The following ASH1L variants were observed in gnomAD, a reference collection of about 807,000 sequenced individuals.
The protein encoded by ASH1L is histone-lysine N-methyltransferase ASH1L.
Under a neutral mutation model 269.0 loss-of-function variants are expected in ASH1L, and 23 were observed. That is an observed-to-expected ratio of 0.09 (90% CI 0.06 to 0.12). The LOEUF is 0.12. ASH1L is among the 10% of genes least tolerant of loss of function. ASH1L has a pLI of 1.00. For missense variants in ASH1L, 2,912 were observed against 3,567.8 expected (o/e 0.82, Z 4.68); for synonymous variants, 1,187 against 1,253.5 (o/e 0.95, Z 1.12).
chr1:155,362,770 G>A (rs996476709), intron 12 of ASH1L, among the ~76,000 whole-genome samples: 3 of 152,254 alleles, frequency 2.0e-5, no homozygotes, highest in African/African-American at 7.2e-5. Flanking sequence ...ACGCCTCAGA[G>A]TTTGTTTAGT....
At chr1:155,338,427 TGAG>T (rs1471738608) in intron 26 of ASH1L, 37 bp from the exon 27 acceptor site, 1 of 1,585,012 alleles carries the variant, frequency 6.3e-7, no homozygotes, top group Non-Finnish European at 8.6e-7. Context: ...GTAAGACACT[TGAG>T]GAGGAAAAGG....
chr1:155,367,204 G>C (rs12755518), intron 12 of ASH1L, among the ~76,000 whole-genome samples: 3 of 152,168 alleles, frequency 2.0e-5, no homozygotes, highest in African/African-American at 7.2e-5. Context: ...ATGTTGGTCA[G>C]ACTGGTCTCA....
At position 155,479,061 on chromosome 1, in the gene ASH1L, C is replaced by G; in HGVS notation, c.3809G>C (p.Arg1270Pro). ...CTGGGGATATTTCTTTTTCCGTTTT[C>G]GTTTCTGCCTTTTCATCTTGTCATA... The part of the protein sequence containing the change: ...LSYDKMKRQK[R>P]KRKKKYPQLR... The change falls in exon 3 of 28, where the codon CGA becomes CCA. Residue 1270 changes from arginine (R) to proline (P), a missense_variant. Around this residue, in one of 13 missense-constraint regions of ASH1L, gnomAD observed 789 missense variants for 897.6 expected, o/e 0.88. Transcript: ENST00000392403. The G allele has an allele frequency of 1.2e-6, 2 of 1,613,928 alleles. No homozygotes were observed. The highest frequency in any genetic ancestry group is 1.7e-6 in the Non-Finnish European group (2 of 1,179,992).
upstream of ASH1L, chr1:155,562,997 G>C: frequency 2.2e-6 from 1 of 458,132 alleles, no homozygotes; most frequent in Non-Finnish European, 4.4e-6. Flanking sequence ...GAGAGGAAGG[G>C]ACGGGCCGAG....
chr1:155,413,048 T>C (rs1437545239), intron 6 of ASH1L, among the ~76,000 whole-genome samples: 1 of 152,184 alleles, frequency 6.6e-6, no homozygotes, highest in Admixed American at 6.6e-5. Flanking sequence ...ACTTGAATTT[T>C]ATTTAGCAGA....
chr1:155,441,265 G>C (rs1031460792), intron 4 of ASH1L, among the ~76,000 whole-genome samples: 5 of 151,734 alleles, frequency 3.3e-5, no homozygotes, highest in African/African-American at 1.2e-4. Context: ...CCAATGTTAG[G>C]TTAGAAAAGG....
intron 25 of ASH1L, among the ~76,000 whole-genome samples, chr1:155,340,428 G>A (rs1285287969): frequency 9.9e-5 from 15 of 152,044 alleles, no homozygotes; most frequent in Non-Finnish European, 7.4e-5. Context: ...TGATCCACCC[G>A]CCTCAGCCTC....
chr1:155,549,870 C>T (rs1288376341), intron 1 of ASH1L, among the ~76,000 whole-genome samples: 1 of 152,058 alleles, frequency 6.6e-6, no homozygotes, highest in Non-Finnish European at 1.5e-5. Flanking sequence ...CTGCTCAGGC[C>T]ATCACTGAAG....
intron 19 of ASH1L, 102 bp from the exon 20 acceptor site, chr1:155,348,006 T>C (rs1653513763): frequency 2.0e-6 from 3 of 1,477,434 alleles, no homozygotes; most frequent in African/African-American, 1.4e-5. Flanking sequence ...TACCCTCCCA[T>C]TTTGGTTAAC....
chr1:155,370,879 C>A lies in ASH1L; in HGVS notation c.6437G>T (p.Arg2146Leu), dbSNP rs200512672. ...GATTCCCCAACCTTTTTCCTCAGCTCGAAATCGTTCTAGACATTGCACCCA... is the reference window on the plus strand; with the variant it reads ...GATTCCCCAACCTTTTTCCTCAGCTAGAAATCGTTCTAGACATTGCACCCA... ...HEWVQCLERF[R>L]AEEKGWGIRT... Residue 2146 changes from arginine to leucine, a missense_variant, in exon 11 of 28, where the codon CGA becomes CTA. Arg to Leu is a moderately radical substitution (Grantham distance 102). Around this residue, in one of 13 missense-constraint regions of ASH1L, gnomAD observed 193 missense variants for 311.6 expected, o/e 0.62. Transcript: ENST00000392403. The A allele has an allele frequency of 1.2e-6, 2 of 1,614,088 alleles. No individual in the cohort carries two copies. Among genetic ancestry groups the A allele is most frequent in the Non-Finnish European group, 1.7e-6 (2 of 1,180,030 alleles).
chr1:155,438,297 A>G (rs1236827605), intron 5 of ASH1L, 30 bp downstream of exon 5: 3 of 1,517,172 alleles, frequency 2.0e-6, no homozygotes, highest in Non-Finnish European at 2.6e-6. Flanking sequence ...AGTTTCCTCT[A>G]CTCAGATAAT....
intron 2 of ASH1L, among the ~76,000 whole-genome samples, chr1:155,495,561 C>A (rs1481141428): frequency 6.6e-6 from 1 of 152,126 alleles, no homozygotes; most frequent in Non-Finnish European, 1.5e-5. Context: ...ATGGAGCTTG[C>A]AAGACTGTAC....
At chr1:155,489,186 A>AT (rs1250241117) in intron 2 of ASH1L, among the ~76,000 whole-genome samples, 4 of 152,136 alleles carry the variant, frequency 2.6e-5, no homozygotes, top group Non-Finnish European at 4.4e-5. Context: ...GTTACTATAA[A>AT]TAATATGTGG....
At chr1:155,484,145 A>G (rs760907905) in intron 2 of ASH1L, among the ~76,000 whole-genome samples, 8 of 152,216 alleles carry the variant, frequency 5.3e-5, no homozygotes, top group African/African-American at 1.7e-4. Context: ...TTACATAGTT[A>G]TGAAACAAAG....
intron 2 of ASH1L, among the ~76,000 whole-genome samples, chr1:155,510,589 G>T (rs185375574): frequency 6.6e-6 from 1 of 152,082 alleles, no homozygotes; most frequent in Admixed American, 6.6e-5. Flanking sequence ...GAACATGTAT[G>T]TAGGGGATGC....
intron 12 of ASH1L, among the ~76,000 whole-genome samples, chr1:155,363,553 A>C (rs570998362): frequency 3.3e-5 from 5 of 152,236 alleles, no homozygotes; most frequent in African/African-American, 9.6e-5. Context: ...TGCAGAAAGC[A>C]TTTTAAATGT....
intron 5 of ASH1L, among the ~76,000 whole-genome samples, chr1:155,418,738 T>C (rs1039285762): frequency 4.6e-5 from 7 of 152,022 alleles, no homozygotes; most frequent in Non-Finnish European, 4.4e-5. Context: ...CAGTATATCG[T>C]AATAAACTTG....
intron 12 of ASH1L, among the ~76,000 whole-genome samples, chr1:155,363,956 G>C (rs1655184344): frequency 6.6e-6 from 1 of 151,374 alleles, no homozygotes; most frequent in Non-Finnish European, 1.5e-5. Context: ...CTGGGCGACA[G>C]AGCAAGACTC....
intron 2 of ASH1L, among the ~76,000 whole-genome samples, chr1:155,518,467 G>A (rs1668643803): frequency 6.6e-6 from 1 of 152,014 alleles, no homozygotes; most frequent in Non-Finnish European, 1.5e-5. Context: ...TCCACAGAAT[G>A]AGAGAAAATA....
Sources: gnomAD v4.1 joint callset for allele counts (sites outside exome capture counted in the v4.1 genomes callset) on GRCh38, gnomAD v4.1.1 for gene constraint, gnomAD v4.1.1 regional missense constraint, MANE v1.5 for transcripts, NCBI Gene and HGNC (gene_info 2026-07-23, HGNC 2026-07-21) for gene names.